Variants in MYO6 observed in about 807,000 individuals in gnomAD.
The protein encoded by MYO6 is myosin VI.
A neutral mutation model predicts 178.7 loss-of-function variants in MYO6; 74 were observed. The ratio of observed to expected loss-of-function variants is 0.41; its 90% confidence interval spans 0.34 to 0.50. MYO6 has a LOEUF of 0.50. MYO6 is among the 20% of genes least tolerant of loss of function. The probability of loss-of-function intolerance (pLI) is 0.09; values close to 1 mark genes in which losing one functional copy is unlikely to be tolerated. For synonymous variants in MYO6, 477 were observed against 504.6 expected, an observed-to-expected ratio of 0.95 and a Z score of 0.73; for missense variants, 1,330 against 1,547.4, an observed-to-expected ratio of 0.86 and a Z score of 2.36.
chr6:75,783,874 A>G (rs926430996), intron 1 of MYO6, among the ~76,000 whole-genome samples: 5 of 152,160 alleles, frequency 3.3e-5, no homozygotes, highest in Non-Finnish European at 5.9e-5. Flanking sequence ...TTTCTGCCTT[A>G]TGGTTGATGG....
intron 6 of MYO6, among the ~76,000 whole-genome samples, chr6:75,835,351 G>A (rs937126239): frequency 1.3e-5 from 2 of 152,162 alleles, no homozygotes; most frequent in African/African-American, 4.8e-5. Flanking sequence ...GTGCAGGTTT[G>A]TTATGAGTAT....
At chr6:75,806,485 A>AT (rs1425496888) in intron 1 of MYO6, among the ~76,000 whole-genome samples, 2 of 152,162 alleles carry the variant, frequency 1.3e-5, no homozygotes, top group African/African-American at 4.8e-5. Context: ...ACATGTTCAG[A>AT]TTGTTGGGAA....
At chr6:75,757,024 C>T (rs1777464115) in intron 1 of MYO6, among the ~76,000 whole-genome samples, 1 of 46,122 alleles carries the variant, frequency 2.2e-5, no homozygotes. Context: ...TATGTATACA[C>T]ACATATATAG....
chr6:75,822,013 TG>T (rs1771927223), intron 2 of MYO6, among the ~76,000 whole-genome samples: 1 of 152,178 alleles, frequency 6.6e-6, no homozygotes, highest in African/African-American at 2.4e-5. Context: ...TATATTTTAC[TG>T]AAACAATAGC....
At chr6:75,765,349 G>C (rs56262241) in intron 1 of MYO6, among the ~76,000 whole-genome samples, 1 of 151,312 alleles carries the variant, frequency 6.6e-6, no homozygotes, top group Non-Finnish European at 1.5e-5. Flanking sequence ...GCTAATTTTT[G>C]TATTTTTAGT....
At chr6:75,872,810 C>T (rs1180107547) in intron 19 of MYO6, among the ~76,000 whole-genome samples, 2 of 149,312 alleles carry the variant, frequency 1.3e-5, no homozygotes, top group Non-Finnish European at 3.0e-5. Flanking sequence ...GACGGAGTCT[C>T]ACTCTGTCAC....
chr6:75,911,594 CTTTAT>C, intron 32 of MYO6, 73 bp from the exon 33 acceptor site: 1 of 1,274,144 alleles, frequency 7.8e-7, no homozygotes, highest in South Asian at 1.2e-5. Context: ...GATTGGAAGG[CTTTAT>C]AAATTAGAAA....
intron 29 of MYO6, among the ~76,000 whole-genome samples, chr6:75,897,070 A>C (rs1470947416): frequency 6.6e-6 from 1 of 152,196 alleles, no homozygotes. Flanking sequence ...CAGAGCATGC[A>C]GAAAAACACC....
chr6:75,910,702 TTTTCTC>T (rs1396829382), intron 32 of MYO6, among the ~76,000 whole-genome samples: 3 of 152,132 alleles, frequency 2.0e-5, no homozygotes, highest in African/African-American at 7.2e-5. Flanking sequence ...TTTTTTTTGC[TTTTCTC>T]TTTCTCTTTA....
intron 11 of MYO6, 103 bp from the exon 12 acceptor site, chr6:75,855,036 A>G (rs1775619829): frequency 9.6e-7 from 1 of 1,043,062 alleles, no homozygotes; most frequent in South Asian, 1.4e-5. Flanking sequence ...AGCCTTGCCT[A>G]TTATATGGTT....
At chr6:75,805,021 A>ATATTTTT (rs1252912172) in intron 1 of MYO6, among the ~76,000 whole-genome samples, 8 of 77,286 alleles carry the variant, frequency 1.0e-4, no homozygotes, top group African/African-American at 8.1e-4. Context: ...ATATATATAT[A>ATATTTTT]TTTTTTTTTT....
At chr6:75,847,077 C>T (rs1410421958) in intron 10 of MYO6, among the ~76,000 whole-genome samples, 1 of 152,106 alleles carries the variant, frequency 6.6e-6, no homozygotes, top group Non-Finnish European at 1.5e-5. Flanking sequence ...GTCTGCCATA[C>T]AGCAAATATG....
At chr6:75,842,804 C>A (rs774177049) in intron 9 of MYO6, among the ~76,000 whole-genome samples, 4 of 152,044 alleles carry the variant, frequency 2.6e-5, no homozygotes, top group Non-Finnish European at 4.4e-5. Context: ...ACTGTTCTGG[C>A]CTTAATCTAG....
chr6:75,775,990 T>A (rs1022609657), intron 1 of MYO6, among the ~76,000 whole-genome samples: 2 of 152,228 alleles, frequency 1.3e-5, no homozygotes, highest in African/African-American at 4.8e-5. Context: ...CTTTTAATAC[T>A]CCATTCAAAA....
intron 1 of MYO6, among the ~76,000 whole-genome samples, chr6:75,790,851 T>C (rs2150084736): frequency 6.6e-6 from 1 of 152,304 alleles, no homozygotes; most frequent in South Asian, 2.1e-4. Flanking sequence ...AAATTATAAA[T>C]GAAGAACAGA....
rs1478669375 is a variant in MYO6 at position 75,914,156 on chromosome 6, C to T, written c.3533C>T (p.Pro1178Leu). The change falls in exon 34 of 35, where the codon CCT becomes CTT. Residue 1178 changes from proline to leucine, a missense_variant. Physicochemically the swap from Pro to Leu is moderately conservative, Grantham distance 98. Coordinates refer to ENST00000369977, the MANE Select transcript of MYO6 (RefSeq NM_004999.4). ...TTCTTCCGCATCCCATTCATCCGCC[C>T]TGCCGACCAGTACAAAGACCCTCAG... is the stretch of plus-strand genomic sequence containing the variant. ...QRFFRIPFIR[P>L]ADQYKDPQSK... The T allele has an allele frequency of 2.5e-6, 4 of 1,614,036 alleles. No homozygotes were observed. The African/African-American group carries it at 5.3e-5, about 22-fold the overall frequency.
intron 1 of MYO6, among the ~76,000 whole-genome samples, chr6:75,763,807 G>C (rs1778158669): frequency 2.0e-5 from 3 of 152,096 alleles, no homozygotes; most frequent in Admixed American, 2.0e-4. Flanking sequence ...ACAAAGTTTA[G>C]AGAGATAACT....
intron 1 of MYO6, among the ~76,000 whole-genome samples, chr6:75,816,840 A>C (rs1771302603): frequency 6.6e-6 from 1 of 152,206 alleles, no homozygotes; most frequent in African/African-American, 2.4e-5. Context: ...AGAATACTTT[A>C]GGGAGCAAAA....
rs1484362277 is a variant in MYO6 at position 75,914,222 on chromosome 6, C to T, written c.3599C>T (p.Pro1200Leu). 6.2e-7 allele frequency: 1 copy of T among 1,614,052 alleles called. No individual in the cohort carries two copies. The highest frequency in any genetic ancestry group is 8.5e-7 in the Non-Finnish European group (1 of 1,180,030). Reference sequence around the variant, plus strand: ...TGGTGGTATGCCCATTTTGATGGACCATGGATTGCCCGGCAAATGGAACTC... The same window carrying T: ...TGGTGGTATGCCCATTTTGATGGACTATGGATTGCCCGGCAAATGGAACTC... ...KGWWYAHFDGPWIARQMELHP... is the reference protein window; with the variant it reads ...KGWWYAHFDGLWIARQMELHP... The change falls in exon 34 of 35, where the codon CCA becomes CTA. Residue 1200 changes from proline (P) to leucine (L), a missense_variant. By Grantham distance (98) the Pro-to-Leu change is moderately conservative (BLOSUM62 -3). This residue lies in a region of MYO6 where 601 missense variants were observed against 626.1 expected (regional missense o/e 0.96). Transcript: ENST00000369977.
Sources: allele counts gnomAD v4.1 joint callset (sites outside exome capture counted in the v4.1 genomes callset), GRCh38; gene constraint gnomAD v4.1.1; regional missense constraint gnomAD v4.1.1; transcripts MANE v1.5; gene names NCBI Gene and HGNC (gene_info 2026-07-23, HGNC 2026-07-21).